Variants in MICU1 observed in about 807,000 individuals in gnomAD.
The protein encoded by MICU1 is mitochondrial calcium uptake 1.
In MICU1, 45 loss-of-function variants were observed where a neutral mutation model predicts 56.8. The observed-to-expected ratio is 0.79, with a 90% CI of 0.62 to 1.02. The LOEUF (loss-of-function observed/expected upper bound fraction) is 1.02, where lower values mean the gene tolerates loss of function less well. MICU1 is among the 50% of genes least tolerant of loss of function. The pLI is 0.00. For missense variants in MICU1, 504 were observed against 587.1 expected (o/e 0.86, Z 1.46); for synonymous variants, 186 against 195.1 (o/e 0.95, Z 0.39).
intron 1 of MICU1, among the ~76,000 whole-genome samples, chr10:72,603,814 AC>A (rs1841611525): frequency 6.6e-6 from 1 of 152,068 alleles, no homozygotes; most frequent in Non-Finnish European, 1.5e-5. Context: ...CAAAAACAAA[AC>A]AAAACAAACA....
chr10:72,570,783 T>C (rs1271382070), intron 1 of MICU1, among the ~76,000 whole-genome samples: 1 of 152,106 alleles, frequency 6.6e-6, no homozygotes, highest in Non-Finnish European at 1.5e-5. Context: ...CCAGAAATCA[T>C]CTCATTTTAT....
chr10:72,482,140 T>C (rs1276355494), intron 6 of MICU1, among the ~76,000 whole-genome samples: 1 of 152,216 alleles, frequency 6.6e-6, no homozygotes, highest in East Asian at 1.9e-4. Context: ...GTTGATTTCA[T>C]GGCTATTTCT....
chr10:72,514,882 TG>T (rs1324026991), intron 5 of MICU1, among the ~76,000 whole-genome samples: 1 of 152,202 alleles, frequency 6.6e-6, no homozygotes, highest in Non-Finnish European at 1.5e-5. Flanking sequence ...TGTTCTCCCA[TG>T]TATCTCCTTA....
rs181660406 is a variant in MICU1 at position 72,558,105 on chromosome 10, A to G, written c.330+4790T>C. On this transcript the variant is annotated intron_variant, in intron 3 of 11. Coordinates refer to ENST00000361114, the MANE Select transcript of MICU1 (RefSeq NM_001195518.2). The stretch of plus-strand genomic sequence containing the variant: ...AAAATAACAAACCATATCTTTACTG[A>G]GCAAGAGTCTAAAAAGCAGCAACGC... Among the ~76,000 whole-genome samples, 255 of 152,344 alleles carry G rather than the reference A, an allele frequency of 1.7e-3. 1 individual carries two copies. Among genetic ancestry groups the G allele is most frequent in the African/African-American group, 5.7e-3 (239 of 41,582 alleles).
chr10:72,574,677 G>A (rs1254086068), intron 1 of MICU1, among the ~76,000 whole-genome samples: 3 of 152,096 alleles, frequency 2.0e-5, no homozygotes, highest in Non-Finnish European at 4.4e-5. Context: ...CCCCAAATAT[G>A]TTGAATTTAT....
chr10:72,625,689 A>C (rs1381124625), intron 1 of MICU1, among the ~76,000 whole-genome samples: 4 of 152,202 alleles, frequency 2.6e-5, no homozygotes, highest in African/African-American at 9.6e-5. Flanking sequence ...AGAGTGTCCC[A>C]GTCGCCTGTG....
intron 10 of MICU1, among the ~76,000 whole-genome samples, chr10:72,381,988 ACACACACACAC>A (rs1374690940): frequency 5.9e-5 from 9 of 151,790 alleles, no homozygotes; most frequent in African/African-American, 1.7e-4. Flanking sequence ...ACACACACAC[ACACACACACAC>A]ACACACATTA....
rs575282799 is a variant in MICU1 at position 72,382,664 on chromosome 10, T to C, written c.1181-6792A>G. On this transcript the variant is annotated intron_variant, in intron 10 of 11. Transcript: ENST00000361114. ...TGGCTCACGCCTGTAATCCCAGCACTTTATGAGGCCAAGGCAGGCAGATCA... is the reference window on the plus strand; with the variant it reads ...TGGCTCACGCCTGTAATCCCAGCACCTTATGAGGCCAAGGCAGGCAGATCA... Among the ~76,000 whole-genome samples, 27 of 152,148 alleles carry C rather than the reference T, an allele frequency of 1.8e-4. No individual in the cohort carries two copies. In the East Asian group the frequency reaches 4.9e-3, roughly 27 times the overall value.
chr10:72,523,426 T>A (rs145591706), intron 5 of MICU1, among the ~76,000 whole-genome samples: 1 of 152,302 alleles, frequency 6.6e-6, no homozygotes, highest in East Asian at 1.9e-4. Context: ...TTGGTTTGGT[T>A]CAGAATGCAG....
chr10:72,537,190 TCA>T (rs1453748618), intron 4 of MICU1, among the ~76,000 whole-genome samples: 1 of 152,242 alleles, frequency 6.6e-6, no homozygotes, highest in Non-Finnish European at 1.5e-5. Flanking sequence ...AATGATTATT[TCA>T]CCTTGTTATG....
intron 1 of MICU1, 136 bp from the exon 2 acceptor site, chr10:72,566,930 A>G: frequency 1.4e-6 from 1 of 699,204 alleles, no homozygotes; most frequent in Non-Finnish European, 2.3e-6. Context: ...ATTTGCTTAT[A>G]TTATCCCATT....
chr10:72,548,506 C>A (rs941820134), intron 4 of MICU1, among the ~76,000 whole-genome samples: 1 of 152,138 alleles, frequency 6.6e-6, no homozygotes, highest in African/African-American at 2.4e-5. Flanking sequence ...AAAGTATTTA[C>A]AGGTTGCACT....
chr10:72,553,466 C>T (rs1488294906), intron 3 of MICU1, among the ~76,000 whole-genome samples: 1 of 152,120 alleles, frequency 6.6e-6, no homozygotes, highest in Non-Finnish European at 1.5e-5. Flanking sequence ...ATCTCCAGAC[C>T]TCATGATCCG....
At chr10:72,544,320 C>G in intron 4 of MICU1, among the ~76,000 whole-genome samples, 1 of 152,178 alleles carries the variant, frequency 6.6e-6, no homozygotes, top group South Asian at 2.1e-4. Flanking sequence ...GCTCTTCCTT[C>G]TTTAACCCGG....
intron 10 of MICU1, among the ~76,000 whole-genome samples, chr10:72,399,691 A>G (rs1173605563): frequency 1.3e-5 from 2 of 152,086 alleles, no homozygotes; most frequent in Admixed American, 6.6e-5. Flanking sequence ...GGCCGGGTGC[A>G]GTGGCTCACG....
At position 72,455,350 on chromosome 10, in the gene MICU1, C is replaced by CAAA. The variant is rs56378605; in HGVS notation, c.933+19747_933+19749dup. Among the ~76,000 whole-genome samples the CAAA allele has an allele frequency of 1.9e-3, 82 of 44,182 alleles. 4 individuals carry two copies. The highest frequency in any genetic ancestry group is 3.9e-3 in the East Asian group (3 of 768). 29.0% of individuals were successfully genotyped at this position (44,182 alleles called of 152,430 possible). A position where few individuals can be genotyped will look rare whatever the true frequency, so the allele number is the denominator to read the frequency against. On this transcript the variant is annotated intron_variant, in intron 8 of 11. Coordinates refer to ENST00000361114, the MANE Select transcript of MICU1 (RefSeq NM_001195518.2). The stretch of plus-strand genomic sequence containing the variant: ...GGGAAACAAGAGCAAGACTCTGTCT[C>CAAA]AAAAAAAAAAAAAAAAAAAAAAAAA...
At position 72,375,852 on chromosome 10, in the gene MICU1, T is replaced by G; in HGVS notation, c.1201A>C (p.Arg401=). 2 of 1,613,134 alleles carry G rather than the reference T, an allele frequency of 1.2e-6. No homozygotes were observed. The highest frequency in any genetic ancestry group is 1.7e-6 in the Non-Finnish European group (2 of 1,179,522). Residue 401 remains arginine, a synonymous_variant, in exon 11 of 12, where the codon AGG becomes CGG. Coordinates refer to ENST00000361114, the MANE Select transcript of MICU1 (RefSeq NM_001195518.2). The part of the protein sequence containing the change: ...LDKVTMQQVA[R]TVAKVELSDH... ...GAGAGCTCCACTTTAGCCACTGTCCTGGCCACCTGCTGCATGGTCACTGAA... is the reference window on the plus strand; with the variant it reads ...GAGAGCTCCACTTTAGCCACTGTCCGGGCCACCTGCTGCATGGTCACTGAA...
chr10:72,448,251 T>TAA (rs1865185944), intron 8 of MICU1, among the ~76,000 whole-genome samples: 1 of 129,228 alleles, frequency 7.7e-6, no homozygotes, highest in Admixed American at 9.2e-5. Context: ...CGAGGCTCAC[T>TAA]GCAACCTCCG....
intron 3 of MICU1, 39 bp from the exon 4 acceptor site, chr10:72,551,380 A>AATGCTCAT (rs2132444522): frequency 6.8e-7 from 1 of 1,462,440 alleles, no homozygotes; most frequent in Non-Finnish European, 9.3e-7. Context: ...TATATTAAGC[A>AATGCTCAT]ATGCTCATAT....
Sources: allele counts gnomAD v4.1 joint callset (sites outside exome capture counted in the v4.1 genomes callset), GRCh38; gene constraint gnomAD v4.1.1; transcripts MANE v1.5; gene names NCBI Gene and HGNC (gene_info 2026-07-23, HGNC 2026-07-21).